Variants in TNIK observed in about 807,000 individuals in gnomAD.
TNIK encodes TRAF2 and NCK-interacting protein kinase.
In TNIK, 49 loss-of-function variants were observed where a neutral mutation model predicts 191.3. The ratio of observed to expected loss-of-function variants is 0.26; its 90% CI spans 0.20 to 0.32. The LOEUF (loss-of-function observed/expected upper bound fraction) is 0.32, where lower values mean the gene tolerates loss of function less well. Among genes scored for constraint, TNIK ranks in the 10% least tolerant of loss-of-function variants. TNIK has a pLI of 1.00. For missense variants in TNIK, 1,155 were observed against 1,702.3 expected (o/e 0.68, Z 5.66); for synonymous variants, 594 against 600.9 (o/e 0.99, Z 0.17).
At chr3:171,162,744 T>G (rs1394333756) in intron 10 of TNIK, among the ~76,000 whole-genome samples, 1 of 152,238 alleles carries the variant, frequency 6.6e-6, no homozygotes, top group Admixed American at 6.5e-5. Context: ...CAAGCAAGAA[T>G]ACTGAAATTA....
At chr3:171,174,855 G>A (rs1257302207) in intron 9 of TNIK, among the ~76,000 whole-genome samples, 2 of 152,144 alleles carry the variant, frequency 1.3e-5, no homozygotes, top group Non-Finnish European at 2.9e-5. Flanking sequence ...ATGCACTTAG[G>A]GAATGATTGT....
At chr3:171,317,230 T>G (rs1380415545) in intron 2 of TNIK, among the ~76,000 whole-genome samples, 1 of 152,030 alleles carries the variant, frequency 6.6e-6, no homozygotes. Flanking sequence ...GGTTTAGGTT[T>G]GAGCATGGGA....
At chr3:171,350,494 C>T (rs964356779) in intron 2 of TNIK, among the ~76,000 whole-genome samples, 4 of 151,090 alleles carry the variant, frequency 2.6e-5, no homozygotes, top group Admixed American at 2.0e-4. Context: ...GTTAATTCTT[C>T]TCCCTGTTGA....
chr3:171,307,044 C>A (rs1753527903), intron 2 of TNIK, among the ~76,000 whole-genome samples: 1 of 152,146 alleles, frequency 6.6e-6, no homozygotes, highest in African/African-American at 2.4e-5. Context: ...CCGAGAAATT[C>A]ATGGCCACGG....
At chr3:171,209,832 A>G (rs1740573106) in intron 4 of TNIK, among the ~76,000 whole-genome samples, 1 of 152,098 alleles carries the variant, frequency 6.6e-6, no homozygotes, top group Admixed American at 6.6e-5. Context: ...ATGAGCTAAC[A>G]TTTTTATATC....
chr3:171,372,596 A>C (rs6444983), intron 1 of TNIK, among the ~76,000 whole-genome samples: 136,669 of 152,238 alleles, frequency 0.9, 61,475 homozygotes, highest in East Asian at 0.99. Context: ...AAGCATCAGG[A>C]CTTTGCATCC....
At chr3:171,081,455 A>G (rs971930652) in intron 27 of TNIK, among the ~76,000 whole-genome samples, 2 of 149,274 alleles carry the variant, frequency 1.3e-5, no homozygotes, top group Admixed American at 1.3e-4. Flanking sequence ...TGATGCCTAA[A>G]CCCCACCCCC....
chr3:171,445,228 G>A (rs1727342771), intron 1 of TNIK, among the ~76,000 whole-genome samples: 2 of 152,026 alleles, frequency 1.3e-5, no homozygotes, highest in South Asian at 4.2e-4. Context: ...TTAGGAATCC[G>A]AGATCACGTA....
At chr3:171,120,384 G>A (rs995285824) in intron 18 of TNIK, among the ~76,000 whole-genome samples, 9 of 146,550 alleles carry the variant, frequency 6.1e-5, no homozygotes, top group African/African-American at 2.3e-4. Flanking sequence ...GCAGGGGTGT[G>A]ATCTCGGCTC....
chr3:171,082,528 T>G (rs1720826252), intron 26 of TNIK, 134 bp from the exon 27 acceptor site: 1 of 966,426 alleles, frequency 1.0e-6, no homozygotes, highest in Admixed American at 2.9e-5. Flanking sequence ...TATAAACTAA[T>G]GAATGTAGAA....
intron 12 of TNIK, among the ~76,000 whole-genome samples, chr3:171,149,085 G>A (rs917118420): frequency 1.3e-5 from 2 of 152,168 alleles, no homozygotes; most frequent in African/African-American, 4.8e-5. Context: ...CAATTTAAAT[G>A]TCATGTGAAA....
intron 18 of TNIK, among the ~76,000 whole-genome samples, chr3:171,114,241 TTTG>T (rs1358411766): frequency 6.6e-6 from 1 of 152,142 alleles, no homozygotes; most frequent in Non-Finnish European, 1.5e-5. Context: ...CCAAACAGAC[TTTG>T]TTAACAGTTA....
chr3:171,069,012 C>T lies in TNIK; in HGVS notation c.3550-15G>A. On this transcript the variant is annotated splice_polypyrimidine_tract_variant and intron_variant, in intron 29 of 32. Coordinates refer to ENST00000436636, the MANE Select transcript of TNIK (RefSeq NM_015028.4). ...TCTGCAAAAGACTTTAAAAATCACC[C>T]CATTAGTATCCGCATCACTCAAAGA... 9.3e-6 allele frequency: 15 copies of T among 1,604,906 alleles called. No individual in the cohort carries two copies. Among genetic ancestry groups the T allele is most frequent in the Non-Finnish European group, 1.3e-5 (15 of 1,175,718 alleles).
intron 7 of TNIK, among the ~76,000 whole-genome samples, chr3:171,183,791 G>A (rs748085363): frequency 2.6e-5 from 4 of 151,788 alleles, no homozygotes; most frequent in Non-Finnish European, 4.4e-5. Context: ...CGTGGTGGCG[G>A]GCGCCTGTAA....
intron 2 of TNIK, among the ~76,000 whole-genome samples, chr3:171,307,357 T>C (rs1753566786): frequency 6.6e-6 from 1 of 152,124 alleles, no homozygotes; most frequent in Non-Finnish European, 1.5e-5. Context: ...GGCCTCTTCT[T>C]ACATATTTCC....
rs143796657 is a variant in TNIK, at chr3:171,292,057, T to C, written c.124-63836A>G. Among the ~76,000 whole-genome samples the C allele has an allele frequency of 1.8e-3, 270 of 152,338 alleles. 3 individuals are homozygous for C. Among genetic ancestry groups the C allele is most frequent in the African/African-American group, 6.1e-3 (255 of 41,578 alleles). ...TTAAATTTCAGATATTATTTTTAGA[T>C]CTAAGATTTCCCTTTTGTCCCTTTT... On this transcript the variant is annotated intron_variant, in intron 2 of 32. Coordinates refer to ENST00000436636, the MANE Select transcript of TNIK (RefSeq NM_015028.4).
chr3:171,319,736 C>G (rs1311361497), intron 2 of TNIK, among the ~76,000 whole-genome samples: 1 of 152,136 alleles, frequency 6.6e-6, no homozygotes, highest in Non-Finnish European at 1.5e-5. Context: ...AGGAACGAGA[C>G]CTTTTTAAGG....
At chr3:171,374,576 T>C (rs538649445) in intron 1 of TNIK, among the ~76,000 whole-genome samples, 41 of 152,354 alleles carry the variant, frequency 2.7e-4, no homozygotes, top group African/African-American at 9.1e-4. Context: ...AGAATCCCTG[T>C]TGGCCACACA....
rs140617419 is a variant in TNIK at position 171,311,775 on chromosome 3, C to G, written c.123+57845G>C. 3.4e-3 allele frequency among the ~76,000 whole-genome samples: 520 copies of G among 152,270 alleles called. 2 individuals are homozygous for G. The highest frequency in any genetic ancestry group is 5.6e-3 in the Admixed American group (85 of 15,284). ...GTGGAAGAATAGAACAAATCACATC[C>G]TTTCTTTACAAAGGAATTTAGAGAA... On this transcript the variant is annotated intron_variant, in intron 2 of 32. Coordinates refer to ENST00000436636, the MANE Select transcript of TNIK (RefSeq NM_015028.4).
Sources: allele counts gnomAD v4.1 joint callset (sites outside exome capture counted in the v4.1 genomes callset), GRCh38; gene constraint gnomAD v4.1.1; transcripts MANE v1.5; gene names NCBI Gene and HGNC (gene_info 2026-07-23, HGNC 2026-07-21).